The following HIP1 variants were observed in gnomAD, a reference collection of about 807,000 sequenced individuals.
HIP1 encodes the protein huntingtin-interacting protein 1.
Under a neutral mutation model 147.6 loss-of-function variants are expected in HIP1, and 65 were observed. The ratio of observed to expected loss-of-function variants is 0.44; its 90% CI spans 0.36 to 0.54. The LOEUF (loss-of-function observed/expected upper bound fraction) is 0.54. HIP1 is among the 20% of genes least tolerant of loss of function. The pLI is 0.00. For missense variants in HIP1, 1,061 were observed against 1,299.6 expected (o/e 0.82, Z 2.82); for synonymous variants, 479 against 504.0 (o/e 0.95, Z 0.67).
At chr7:75,737,114 C>T (rs192838116) in intron 1 of HIP1, among the ~76,000 whole-genome samples, 3 of 152,106 alleles carry the variant, frequency 2.0e-5, no homozygotes, top group East Asian at 1.9e-4. Context: ...AAAATAGAGG[C>T]GGGATCTCAG....
Position 75,614,955 on chromosome 7 carries a change from T to C in HIP1, c.121-15708A>G, listed in dbSNP as rs146406434. Among the ~76,000 whole-genome samples, 429 of 152,096 alleles carry C rather than the reference T, an allele frequency of 2.8e-3. 9 individuals are homozygous for C. The East Asian group carries it at 0.052, about 18-fold the overall frequency. On this transcript the variant is annotated intron_variant, in intron 1 of 30. Coordinates refer to ENST00000336926, the MANE Select transcript of HIP1 (RefSeq NM_005338.7). Reference sequence around the variant, plus strand: ...GCCTGGCTAATTTTTGTATTTTTAGTGGAGACGGGGTTTCACCATGTTGGC... The same window carrying C: ...GCCTGGCTAATTTTTGTATTTTTAGCGGAGACGGGGTTTCACCATGTTGGC...
At chr7:75,636,208 A>G (rs1457821198) in intron 1 of HIP1, among the ~76,000 whole-genome samples, 2 of 151,330 alleles carry the variant, frequency 1.3e-5, no homozygotes, top group Non-Finnish European at 2.9e-5. Context: ...TGGGCATGGT[A>G]GTGCTGGGGG....
At chr7:75,691,534 C>T (rs544654576) in intron 1 of HIP1, among the ~76,000 whole-genome samples, 265 of 152,064 alleles carry the variant, frequency 1.7e-3, no homozygotes, top group Middle Eastern at 6.8e-3. Context: ...CGCGGTGGCT[C>T]ATGCCTGTAA....
At chr7:75,668,207 T>C (rs1356363505) in intron 1 of HIP1, among the ~76,000 whole-genome samples, 1 of 152,236 alleles carries the variant, frequency 6.6e-6, no homozygotes, top group Non-Finnish European at 1.5e-5. Flanking sequence ...CCAAAATGCC[T>C]TCCCCTGAAC....
At chr7:75,649,530 G>A (rs1301000647) in intron 1 of HIP1, among the ~76,000 whole-genome samples, 1 of 134,742 alleles carries the variant, frequency 7.4e-6, no homozygotes, top group Non-Finnish European at 1.8e-5. Context: ...AACAGAGGTT[G>A]TTATTGCCAG....
chr7:75,540,631 T>C (rs1278305197), intron 29 of HIP1, among the ~76,000 whole-genome samples: 1 of 151,830 alleles, frequency 6.6e-6, no homozygotes, highest in Non-Finnish European at 1.5e-5. Flanking sequence ...AAAAAAATGC[T>C]GAGTGACACA....
chr7:75,582,734 G>A (rs1796105822), intron 5 of HIP1, among the ~76,000 whole-genome samples: 1 of 152,144 alleles, frequency 6.6e-6, no homozygotes, highest in South Asian at 2.1e-4. Context: ...TTGACGCTGG[G>A]AGGCGGAGGT....
chr7:75,715,094 A>G (rs1321299152), intron 1 of HIP1, among the ~76,000 whole-genome samples: 1 of 152,190 alleles, frequency 6.6e-6, no homozygotes, highest in African/African-American at 2.4e-5. Flanking sequence ...ATCGGGCAAG[A>G]AAACCACAGA....
At position 75,592,649 on chromosome 7, in the gene HIP1, C is replaced by T. The variant is rs1297999125; in HGVS notation, c.185-135G>A. On this transcript the variant is annotated intron_variant, in intron 2 of 30. Coordinates refer to ENST00000336926, the MANE Select transcript of HIP1 (RefSeq NM_005338.7). ...GGATAGAGGCTGCACCCAGCCACTGCAGGGGACCAAGCCTGCACACAGCCA... is the reference window on the plus strand; with the variant it reads ...GGATAGAGGCTGCACCCAGCCACTGTAGGGGACCAAGCCTGCACACAGCCA... 6.7e-6 allele frequency: 6 copies of T among 890,796 alleles called. No individual in the cohort carries two copies. In the Admixed American group the frequency reaches 1.2e-4, roughly 18 times the overall value. The allele number at this position is 890,796 out of a possible 1,614,324, so 55.2% of individuals were successfully genotyped here.
intron 1 of HIP1, among the ~76,000 whole-genome samples, chr7:75,669,388 A>T (rs1246295875): frequency 2.6e-5 from 4 of 151,308 alleles, no homozygotes; most frequent in Admixed American, 2.0e-4. Flanking sequence ...AACAAAACAA[A>T]ACAAAACAAA....
chr7:75,568,204 A>G lies in HIP1; in HGVS notation c.798T>C (p.Phe266=). The G allele has an allele frequency of 6.2e-7, 1 of 1,610,920 alleles. No homozygotes were observed. The highest frequency in any genetic ancestry group is 8.5e-7 in the Non-Finnish European group (1 of 1,177,150). ...CTGTTACTTGAACCACTTACTTTGT[A>G]AACTGCTCCATGAAGCGGTCCCGGT... is the stretch of plus-strand genomic sequence containing the variant. ...QGHRDRFMEQ[F]TKLKDLFYRS... The change falls in exon 9 of 31, where the codon TTT becomes TTC. Residue 266 remains phenylalanine, a synonymous_variant. Transcript: ENST00000336926. This position sits in a 1 kb window ranked among gnomAD's most constrained non-coding sequence, Gnocchi z 4.1.
At chr7:75,674,260 A>G (rs1420588311) in intron 1 of HIP1, among the ~76,000 whole-genome samples, 1 of 152,204 alleles carries the variant, frequency 6.6e-6, no homozygotes, top group African/African-American at 2.4e-5. Flanking sequence ...GTAAGAGCAG[A>G]CATCCTTGTT....
chr7:75,683,763 G>A (rs1277011518), intron 1 of HIP1, among the ~76,000 whole-genome samples: 1 of 152,220 alleles, frequency 6.6e-6, no homozygotes, highest in African/African-American at 2.4e-5. Context: ...TAAAGGGTCT[G>A]TTCTGGTCTC....
intron 1 of HIP1, among the ~76,000 whole-genome samples, chr7:75,603,591 G>A (rs1179191942): frequency 1.3e-5 from 2 of 152,118 alleles, no homozygotes; most frequent in East Asian, 3.9e-4. Context: ...TGCAGGGTGA[G>A]CGTAAGAGCA....
chr7:75,646,775 T>C (rs1554511168), intron 1 of HIP1, among the ~76,000 whole-genome samples: 3 of 152,148 alleles, frequency 2.0e-5, no homozygotes, highest in Admixed American at 2.0e-4. Context: ...GGACACCAGC[T>C]GGGGATGTTG....
At chr7:75,700,095 C>A (rs1211461912) in intron 1 of HIP1, among the ~76,000 whole-genome samples, 1 of 152,192 alleles carries the variant, frequency 6.6e-6, no homozygotes, top group Non-Finnish European at 1.5e-5. Flanking sequence ...AAGTGATCCG[C>A]CCGCATCGGC....
intron 13 of HIP1, among the ~76,000 whole-genome samples, chr7:75,560,705 A>G (rs1329261051): frequency 6.6e-6 from 1 of 152,146 alleles, no homozygotes; most frequent in Admixed American, 6.5e-5. Flanking sequence ...ATGGAAATGC[A>G]TTATGACAGA....
At chr7:75,576,653 G>A (rs189375871) in intron 7 of HIP1, among the ~76,000 whole-genome samples, 29 of 152,102 alleles carry the variant, frequency 1.9e-4, no homozygotes, top group African/African-American at 6.8e-4. Flanking sequence ...AGGCTGCAGT[G>A]AGCCAAGATC....
chr7:75,537,011 T>C lies in HIP1; in HGVS notation c.*1161A>G. 1 of 232,330 alleles carries C rather than the reference T, an allele frequency of 4.3e-6. No individual in the cohort carries two copies. Among genetic ancestry groups the C allele is most frequent in the Non-Finnish European group, 8.5e-6 (1 of 117,444 alleles). 14.4% of individuals were successfully genotyped at this position (232,330 alleles called of 1,614,324 possible). A position where few individuals can be genotyped will look rare whatever the true frequency, so the allele number is the denominator to read the frequency against. ...GGAACGATCTTCCTATTCAAGAGGA[T>C]GCCAAGGCAGACGTCTGCAGAAAGG... On this transcript the variant is annotated 3_prime_UTR_variant, in exon 31 of 31. Coordinates refer to ENST00000336926, the MANE Select transcript of HIP1 (RefSeq NM_005338.7).
Sources: gnomAD v4.1 joint callset for allele counts (sites outside exome capture counted in the v4.1 genomes callset) on GRCh38, gnomAD v4.1.1 for gene constraint, Gnocchi (gnomAD v3.1) non-coding constraint, MANE v1.5 for transcripts, NCBI Gene and HGNC (gene_info 2026-07-23, HGNC 2026-07-21) for gene names.